The following SLC4A11 variants were observed in gnomAD, a reference collection of about 807,000 sequenced individuals.
SLC4A11 encodes the protein solute carrier family 4 member 11.
SLC4A11 carries 74 observed loss-of-function variants against 95.0 expected under a neutral mutation model. That is an observed-to-expected ratio of 0.78 (90% CI 0.65 to 0.95). The LOEUF is 0.95. Among genes scored for constraint, SLC4A11 ranks in the 40% least tolerant of loss-of-function variants. The probability of loss-of-function intolerance (pLI) is 0.00; values close to 1 mark genes in which losing one functional copy is unlikely to be tolerated. For missense variants in SLC4A11, 1,081 were observed against 1,192.4 expected (o/e 0.91, Z 1.38); for synonymous variants, 548 against 519.0 (o/e 1.06, Z -0.76).
Position 3,238,701 on chromosome 20 carries a change from G to A in SLC4A11, c.43+394C>T, listed in dbSNP as rs968344807. 3.0e-6 allele frequency: 3 copies of A among 1,013,156 alleles called. No individual in the cohort carries two copies. The South Asian group carries it at 1.4e-4, about 47-fold the overall frequency. 62.8% of individuals were successfully genotyped at this position (1,013,156 alleles called of 1,614,324 possible). ...GCGGCGCCGGACGGGAAGATGCCCG[G>A]GCGGAAGGTAAAATGAGACCTTCCG... On this transcript the variant is annotated intron_variant, in intron 1 of 19. Transcript: ENST00000642402.
rs1028571093 is a variant in SLC4A11, at chr20:3,238,748, C to A, written c.43+347G>T. The A allele has an allele frequency of 7.4e-5, 81 of 1,090,700 alleles. No homozygotes were observed. In the Middle Eastern group the frequency reaches 1.2e-3, roughly 16 times the overall value. The allele number at this position is 1,090,700 out of a possible 1,614,324, so 67.6% of individuals were successfully genotyped here. On this transcript the variant is annotated intron_variant, in intron 1 of 19. Transcript: ENST00000642402. ...TCCGAGGCGGCGGCCCGCCAGGCTCCCAAAAGCTCGGCGCTCGGGGCGCTG... is the reference window on the plus strand; with the variant it reads ...TCCGAGGCGGCGGCCCGCCAGGCTCACAAAAGCTCGGCGCTCGGGGCGCTG...
rs115287962 is a variant in SLC4A11 at position 3,233,036 on chromosome 20, C to T, written c.729+478G>A. Among the ~76,000 whole-genome samples the T allele has an allele frequency of 4.2e-3, 633 of 152,304 alleles. 7 individuals are homozygous for T. Among genetic ancestry groups the T allele is most frequent in the African/African-American group, 0.015 (604 of 41,558 alleles). On this transcript the variant is annotated intron_variant, in intron 7 of 19. Transcript: ENST00000642402. The stretch of plus-strand genomic sequence containing the variant: ...AGCTAAGGGAAGCTGAAGCTGAAGG[C>T]GCTGCCAAGGCCTTGGGAGGGGTCC...
intron 1 of SLC4A11, chr20:3,238,513 C>CG: frequency 1.0e-6 from 1 of 993,796 alleles, no homozygotes; most frequent in Non-Finnish European, 1.2e-6. Context: ...GCTTCCGTCC[C>CG]GGCGGCCCAC....
At chr20:3,229,894 C>T (rs1210564203) in intron 13 of SLC4A11, 118 bp from the exon 14 acceptor site, 16 of 1,401,000 alleles carry the variant, frequency 1.1e-5, no homozygotes, top group African/African-American at 9.9e-5. Flanking sequence ...ACCCTGCCGA[C>T]GTGCCCATGC....
chr20:3,228,831 C>A lies in SLC4A11; in HGVS notation c.2192+7G>T, dbSNP rs762125653. On this transcript the variant is annotated splice_region_variant and intron_variant, in intron 17 of 19. Transcript: ENST00000642402. ...GGGTCCACGGCTCTTGCCAGCCTCA[C>A]ACTCACGTGTCATAGATGTGTCCGT... is the stretch of plus-strand genomic sequence containing the variant. 1 of 1,613,754 alleles carries A rather than the reference C, an allele frequency of 6.2e-7. No homozygotes were observed. The highest frequency in any genetic ancestry group is 8.5e-7 in the Non-Finnish European group (1 of 1,180,026).
At chr20:3,238,291 CGCTGTCG>C in intron 1 of SLC4A11, 1 of 1,237,090 alleles carries the variant, frequency 8.1e-7, no homozygotes, top group Non-Finnish European at 1.0e-6. Context: ...GTTTGTGCCT[CGCTGTCG>C]GAGGAAGGAA....
rs2067759007 is a variant in SLC4A11, at chr20:3,231,175, G to A, written c.1016C>T (p.Pro339Leu). The A allele has an allele frequency of 1.2e-6, 2 of 1,614,028 alleles. No homozygotes were observed. The highest frequency in any genetic ancestry group is 2.2e-5 in the South Asian group (2 of 91,084). The change falls in exon 9 of 20, where the codon CCC becomes CTC. Residue 339 changes from proline (P) to leucine (L), a missense_variant. Around this residue, in one of 3 missense-constraint regions of SLC4A11, gnomAD observed 767 missense variants for 858.0 expected, o/e 0.89. Coordinates refer to ENST00000642402, the MANE Select transcript of SLC4A11 (RefSeq NM_001174089.2). This position sits in a 1 kb window ranked among gnomAD's most constrained non-coding sequence, Gnocchi z 5.2. ...GIREDIARRF[P>L]LYPLDFTDGI... is the part of the protein sequence containing the mutation. ...ATCAGTGAAGTCCAAGGGGTACAAG[G>A]GGAACCTGCGTGCGATGTCCTCCCG...
chr20:3,237,707 C>G (rs2068028524), intron 1 of SLC4A11, 119 bp from the exon 2 acceptor site: 5 of 1,613,912 alleles, frequency 3.1e-6, no homozygotes, highest in Non-Finnish European at 4.2e-6. Flanking sequence ...GGATGCAACC[C>G]ACGCCACCCT....
Position 3,229,332 on chromosome 20 carries a change from C to T in SLC4A11, c.1849+14G>A, listed in dbSNP as rs758898486. ...GAGCTACCCCACGTCACCCACCGCC[C>T]GGCCCCAACTCACTCTCGATTTCCC... On this transcript the variant is annotated intron_variant, in intron 15 of 19. Coordinates refer to ENST00000642402, the MANE Select transcript of SLC4A11 (RefSeq NM_001174089.2). The T allele has an allele frequency of 1.1e-5, 17 of 1,613,048 alleles. No homozygotes were observed. The highest frequency in any genetic ancestry group is 2.2e-5 in the East Asian group (1 of 44,892).
In SLC4A11 at chr20:3,231,729, C is replaced by T. The variant is rs1024032568; in HGVS notation, c.730-181G>A. Among the ~76,000 whole-genome samples the T allele has an allele frequency of 5.3e-5, 8 of 152,134 alleles. No individual in the cohort carries two copies. Among genetic ancestry groups the T allele is most frequent in the African/African-American group, 1.7e-4 (7 of 41,426 alleles). ...GTGCAGTGGCACACTCACGGCTTAT[C>T]GTAGCCTCGACCTCCCGGGCTCAAG... On this transcript the variant is annotated intron_variant, in intron 7 of 19. Coordinates refer to ENST00000642402, the MANE Select transcript of SLC4A11 (RefSeq NM_001174089.2). This position sits in a 1 kb window ranked among gnomAD's most constrained non-coding sequence, Gnocchi z 5.2.
upstream of SLC4A11, chr20:3,239,337 C>T: frequency 3.5e-6 from 4 of 1,147,966 alleles, no homozygotes; most frequent in Non-Finnish European, 4.3e-6. Flanking sequence ...CCGCCCGCCC[C>T]GCGCCCTCAC....
intron 2 of SLC4A11, among the ~76,000 whole-genome samples, chr20:3,235,307 TCTCACACACACACACACA>T (rs776459169): frequency 1.8e-5 from 2 of 110,894 alleles, no homozygotes; most frequent in African/African-American, 3.5e-5. Flanking sequence ...TCTCTCTCTC[TCTCACACACACACACACA>T]CACACACACA....
chr20:3,227,972 G>T, intron 19 of SLC4A11, 116 bp from the exon 20 acceptor site: 1 of 344,064 alleles, frequency 2.9e-6, no homozygotes, highest in Non-Finnish European at 4.2e-6. Context: ...CTCCCCGCCC[G>T]CCTACCCCCA....
At position 3,228,707 on chromosome 20, in the gene SLC4A11, C is replaced by T; in HGVS notation, c.2193G>A (p.Thr731=). 6.2e-7 allele frequency: 1 copy of T among 1,612,710 alleles called. No homozygotes were observed. Among genetic ancestry groups the T allele is most frequent in the Non-Finnish European group, 8.5e-7 (1 of 1,179,806 alleles). The change falls in exon 18 of 20, where the codon ACG becomes ACA. Residue 731 remains threonine (T), a splice_region_variant and synonymous_variant. Coordinates refer to ENST00000642402, the MANE Select transcript of SLC4A11 (RefSeq NM_001174089.2). ...ERVENGHIYD[T]IVNVKETRLT... ...GCCGCGTCTCCTTCACGTTCACAATCCTGCGGTGGCCCGAGCCGCGAGTGT... is the reference window on the plus strand; with the variant it reads ...GCCGCGTCTCCTTCACGTTCACAATTCTGCGGTGGCCCGAGCCGCGAGTGT...
At chr20:3,230,331 C>T (rs2067713999) in intron 12 of SLC4A11, 71 bp from the exon 13 acceptor site, 1 of 1,583,886 alleles carries the variant, frequency 6.3e-7, no homozygotes. Context: ...CTCCCTGAGC[C>T]CCTGCACAGT....
chr20:3,238,246 G>GC, intron 1 of SLC4A11: 1 of 1,345,804 alleles, frequency 7.4e-7, no homozygotes, highest in Non-Finnish European at 9.5e-7. Flanking sequence ...GGGAGGCTGC[G>GC]CCCTCCCTGG....
chr20:3,231,118 G>GC lies in SLC4A11; in HGVS notation c.1042+30dup, dbSNP rs780744547. On this transcript the variant is annotated intron_variant, in intron 9 of 19. Transcript: ENST00000642402. The surrounding 1 kb of genome is among the most constrained non-coding windows in gnomAD (Gnocchi z 5.2). ...GGATGCAGGACAGGCACACGTGTGG[G>GC]CCCAAGGCCTGGAAAGCAGAGGCCA... 4.5e-5 allele frequency: 72 copies of GC among 1,614,052 alleles called. 1 individual carries two copies. The South Asian group carries it at 7.4e-4, about 16-fold the overall frequency.
chr20:3,233,169 T>G (rs2067837496), intron 7 of SLC4A11, among the ~76,000 whole-genome samples: 1 of 152,118 alleles, frequency 6.6e-6, no homozygotes, highest in Non-Finnish European at 1.5e-5. Flanking sequence ...AGGGGGTGTG[T>G]GGCCCAGGAA....
Position 3,239,092 on chromosome 20 carries a change from C to CA in SLC4A11, c.43+2dup. 1 of 1,476,584 alleles carries CA rather than the reference C, an allele frequency of 6.8e-7. No homozygotes were observed. Among genetic ancestry groups the CA allele is most frequent in the Non-Finnish European group, 8.9e-7 (1 of 1,118,352 alleles). The allele number at this position is 1,476,584 out of a possible 1,614,324, so 91.5% of individuals were successfully genotyped here. ...CGCCGCGCCCCCGGGTTCAGGCACCCACCGCACGGCTGCAGATGGAACACG... is the reference window on the plus strand; with the variant it reads ...CGCCGCGCCCCCGGGTTCAGGCACCCAACCGCACGGCTGCAGATGGAACACG... On this transcript the variant is annotated splice_region_variant and intron_variant, in intron 1 of 19. Transcript: ENST00000642402.
Sources: gnomAD v4.1 joint callset for allele counts (sites outside exome capture counted in the v4.1 genomes callset) on GRCh38, gnomAD v4.1.1 for gene constraint, gnomAD v4.1.1 regional missense constraint, Gnocchi (gnomAD v3.1) non-coding constraint, MANE v1.5 for transcripts, NCBI Gene and HGNC (gene_info 2026-07-23, HGNC 2026-07-21) for gene names.